The following LRRC4C variants were observed in gnomAD, a reference collection of about 807,000 sequenced individuals.
LRRC4C encodes the protein leucine-rich repeat-containing protein 4C.
A neutral mutation model predicts 33.6 loss-of-function variants in LRRC4C; 5 were observed. The observed-to-expected ratio is 0.15, with a 90% CI of 0.08 to 0.31. The LOEUF is 0.31. Among genes scored for constraint, LRRC4C ranks in the 10% least tolerant of loss-of-function variants. The probability of loss-of-function intolerance (pLI) is 1.00; values close to 1 mark genes in which losing one functional copy is unlikely to be tolerated. For missense variants in LRRC4C, 560 were observed against 796.7 expected (o/e 0.70, Z 3.58); for synonymous variants, 329 against 302.0 (o/e 1.09, Z -0.93).
intron 1 of LRRC4C, among the ~76,000 whole-genome samples, chr11:40,984,427 A>C (rs1445438678): frequency 7.0e-6 from 1 of 143,488 alleles, no homozygotes; most frequent in Non-Finnish European, 1.6e-5. Flanking sequence ...GAAAGAAAGA[A>C]AGAGAAAAAG....
intron 1 of LRRC4C, among the ~76,000 whole-genome samples, chr11:41,274,828 A>G (rs1949431044): frequency 6.6e-6 from 1 of 152,184 alleles, no homozygotes; most frequent in African/African-American, 2.4e-5. Context: ...TCATTCTTGA[A>G]TCAGCGAGAC....
At chr11:41,363,236 C>A (rs1478030883) in intron 1 of LRRC4C, among the ~76,000 whole-genome samples, 1 of 152,120 alleles carries the variant, frequency 6.6e-6, no homozygotes, top group Non-Finnish European at 1.5e-5. Flanking sequence ...TTTACCCTGC[C>A]CACCAAGCTG....
chr11:40,184,992 AAC>A (rs1208223186), intron 5 of LRRC4C, among the ~76,000 whole-genome samples: 1 of 152,182 alleles, frequency 6.6e-6, no homozygotes, highest in African/African-American at 2.4e-5. Flanking sequence ...GTGAGTTTTA[AAC>A]AAGTTTCATG....
intron 1 of LRRC4C, among the ~76,000 whole-genome samples, chr11:41,378,594 C>A (rs191728964): frequency 6.6e-6 from 1 of 152,184 alleles, no homozygotes; most frequent in Admixed American, 6.6e-5. Flanking sequence ...AAGGATTTAT[C>A]CTTTGGGAAT....
At chr11:41,196,508 A>G (rs1946184299) in intron 1 of LRRC4C, among the ~76,000 whole-genome samples, 1 of 152,214 alleles carries the variant, frequency 6.6e-6, no homozygotes. Flanking sequence ...GATTGAAAGA[A>G]TGAGTTCATT....
intron 1 of LRRC4C, among the ~76,000 whole-genome samples, chr11:41,134,076 T>C (rs1283787022): frequency 6.6e-6 from 1 of 152,100 alleles, no homozygotes; most frequent in Non-Finnish European, 1.5e-5. Context: ...TGGCTCAGAA[T>C]AAATTGCTTT....
At chr11:41,043,179 G>A (rs557542988) in intron 1 of LRRC4C, among the ~76,000 whole-genome samples, 13 of 148,600 alleles carry the variant, frequency 8.7e-5, no homozygotes, top group Admixed American at 6.9e-4. Flanking sequence ...GCCTACAATG[G>A]ACATGGGAGA....
intron 1 of LRRC4C, among the ~76,000 whole-genome samples, chr11:41,056,707 A>G (rs912632048): frequency 6.6e-6 from 1 of 152,226 alleles, no homozygotes; most frequent in Non-Finnish European, 1.5e-5. Context: ...CAAAACCACA[A>G]TGAGATACCA....
intron 5 of LRRC4C, among the ~76,000 whole-genome samples, chr11:40,237,561 C>T (rs1377111): frequency 0.74 from 113,221 of 152,164 alleles, 46,177 homozygotes; most frequent in East Asian, 0.95. Context: ...GTTTGGTATA[C>T]GTTGGCACCC....
Position 40,994,894 on chromosome 11 carries a change from C to T in LRRC4C, c.-495-61171G>A, listed in dbSNP as rs375689877. ...GCATCTTGTCCTTCCCCATTGTCCC[C>T]TCCACAATTTCTCTAATGTAATCAA... On this transcript the variant is annotated intron_variant, in intron 1 of 6. Transcript: ENST00000528697. Among the ~76,000 whole-genome samples, 45 of 152,106 alleles carry T rather than the reference C, an allele frequency of 3.0e-4. 1 individual carries two copies. In the South Asian group the frequency reaches 8.9e-3, roughly 30 times the overall value.
At chr11:41,117,863 G>T (rs969438040) in intron 1 of LRRC4C, among the ~76,000 whole-genome samples, 1 of 151,988 alleles carries the variant, frequency 6.6e-6, no homozygotes, top group Non-Finnish European at 1.5e-5. Flanking sequence ...CAGAGTGCAA[G>T]AATTTAAAAC....
At chr11:40,181,253 C>T (rs920193818) in intron 5 of LRRC4C, among the ~76,000 whole-genome samples, 7 of 152,008 alleles carry the variant, frequency 4.6e-5, no homozygotes, top group African/African-American at 1.7e-4. Flanking sequence ...CATTTGAGTA[C>T]CATGCATAAC....
intron 1 of LRRC4C, among the ~76,000 whole-genome samples, chr11:41,184,928 C>T (rs1276213987): frequency 2.0e-5 from 3 of 151,876 alleles, no homozygotes; most frequent in Non-Finnish European, 4.4e-5. Context: ...TGGATGGTGG[C>T]AGGCAAATAG....
intron 1 of LRRC4C, among the ~76,000 whole-genome samples, chr11:41,048,100 A>C (rs1280086256): frequency 6.6e-6 from 1 of 152,102 alleles, no homozygotes; most frequent in African/African-American, 2.4e-5. Context: ...TACTTTTTTT[A>C]CCTTTTCTTT....
intron 1 of LRRC4C, among the ~76,000 whole-genome samples, chr11:41,263,580 C>T (rs556435142): frequency 6.6e-6 from 1 of 152,298 alleles, no homozygotes; most frequent in Admixed American, 6.5e-5. Context: ...AAGGTTTATA[C>T]AGTCATTTGT....
intron 2 of LRRC4C, among the ~76,000 whole-genome samples, chr11:40,712,610 A>T (rs1946522604): frequency 6.6e-6 from 1 of 152,310 alleles, no homozygotes; most frequent in Non-Finnish European, 1.5e-5. Flanking sequence ...ACATTAATAT[A>T]AAAATTTACC....
chr11:40,485,926 A>G (rs1953840040), intron 3 of LRRC4C, among the ~76,000 whole-genome samples: 1 of 152,046 alleles, frequency 6.6e-6, no homozygotes, highest in Non-Finnish European at 1.5e-5. Flanking sequence ...TCTCACTTAT[A>G]AGTGGGAGCT....
chr11:40,593,135 G>T (rs1025156858), intron 3 of LRRC4C, among the ~76,000 whole-genome samples: 2 of 152,178 alleles, frequency 1.3e-5, no homozygotes, highest in Admixed American at 1.3e-4. Context: ...TAGATGTGCA[G>T]AGAGAAACCA....
At chr11:40,459,434 T>C (rs1483419072) in intron 3 of LRRC4C, among the ~76,000 whole-genome samples, 1 of 151,984 alleles carries the variant, frequency 6.6e-6, no homozygotes, top group African/African-American at 2.4e-5. Context: ...AGGGGAAAAA[T>C]GACAAAAGGA....
Sources: allele counts gnomAD v4.1 joint callset (sites outside exome capture counted in the v4.1 genomes callset), GRCh38; gene constraint gnomAD v4.1.1; transcripts MANE v1.5; gene names NCBI Gene and HGNC (gene_info 2026-07-23, HGNC 2026-07-21).